Variants in UBE2H observed in about 807,000 individuals in gnomAD.
The protein encoded by UBE2H is ubiquitin conjugating enzyme E2 H.
UBE2H carries 3 observed loss-of-function variants against 29.0 expected under a neutral mutation model. The ratio of observed to expected loss-of-function variants is 0.10; its 90% confidence interval spans 0.05 to 0.27. UBE2H has a LOEUF of 0.27. Among genes scored for constraint, UBE2H ranks in the 10% least tolerant of loss-of-function variants. UBE2H has a pLI of 1.00. For missense variants in UBE2H, 68 were observed against 228.2 expected, an observed-to-expected ratio of 0.30 and a Z score of 4.52; for synonymous variants, 69 against 82.9, an observed-to-expected ratio of 0.83 and a Z score of 0.91.
At chr7:129,871,705 C>T (rs1327726388) in intron 3 of UBE2H, among the ~76,000 whole-genome samples, 1 of 140,360 alleles carries the variant, frequency 7.1e-6, no homozygotes, top group African/African-American at 2.7e-5. Context: ...CAGAACAAGA[C>T]TCTGTATCAA....
chr7:129,936,341 T>C (rs62491538), intron 1 of UBE2H, among the ~76,000 whole-genome samples: 10,004 of 152,242 alleles, frequency 0.066, 541 homozygotes, highest in East Asian at 0.25. Context: ...ACGCCTGTAA[T>C]CCCAGTACTT....
In UBE2H at chr7:129,834,782, TA is replaced by T; in HGVS notation, c.*154del. The T allele has an allele frequency of 1.2e-6, 1 of 867,940 alleles. No homozygotes were observed. Among genetic ancestry groups the T allele is most frequent in the Non-Finnish European group, 1.7e-6 (1 of 603,092 alleles). The allele number at this position is 867,940 out of a possible 1,614,324, so 53.8% of individuals were successfully genotyped here. ...GAGAAATGACCAAGAAATCAAGATCTAAAGGGTGATATATAATATATATATA... is the reference window on the plus strand; with the variant it reads ...GAGAAATGACCAAGAAATCAAGATCTAAGGGTGATATATAATATATATATA... On this transcript the variant is annotated 3_prime_UTR_variant, in exon 7 of 7. Transcript: ENST00000355621.
At chr7:129,844,625 C>T (rs1048556035) in intron 5 of UBE2H, among the ~76,000 whole-genome samples, 8 of 152,126 alleles carry the variant, frequency 5.3e-5, no homozygotes, top group African/African-American at 1.7e-4. Flanking sequence ...TCAGCCGACC[C>T]CATTTCCGCC....
chr7:129,845,002 C>T (rs1000116794), intron 5 of UBE2H, among the ~76,000 whole-genome samples: 1 of 152,112 alleles, frequency 6.6e-6, no homozygotes, highest in African/African-American at 2.4e-5. Flanking sequence ...TGGTGGTGGG[C>T]ACCTGTAATC....
At chr7:129,930,965 T>C (rs1481037292) in intron 1 of UBE2H, among the ~76,000 whole-genome samples, 2 of 132,164 alleles carry the variant, frequency 1.5e-5, no homozygotes, top group Non-Finnish European at 3.2e-5. Flanking sequence ...ACACCTGCAA[T>C]CCCAGCACTT....
intron 1 of UBE2H, among the ~76,000 whole-genome samples, chr7:129,926,775 CCAGAAAAGTAT>C (rs1457913493): frequency 1.3e-5 from 2 of 152,172 alleles, no homozygotes. Flanking sequence ...GATCACACCT[CCAGAAAAGTAT>C]CAGGTATGGC....
In UBE2H at chr7:129,918,798, G is replaced by C. The variant is rs571996641; in HGVS notation, c.53+33705C>G. 2.6e-5 allele frequency among the ~76,000 whole-genome samples: 4 copies of C among 152,240 alleles called. No individual in the cohort carries two copies. In the South Asian group the frequency reaches 8.3e-4, roughly 32 times the overall value. On this transcript the variant is annotated intron_variant, in intron 1 of 6. Coordinates refer to ENST00000355621, the MANE Select transcript of UBE2H (RefSeq NM_003344.4). ...TTTAACATGTAAGAAAGAAAAGAAA[G>C]AAGGCTGTGCACTGTGGTTCTTGCC...
At position 129,832,592 on chromosome 7, in the gene UBE2H, T is replaced by C. The variant is rs993368872; in HGVS notation, c.*2345A>G. On this transcript the variant is annotated 3_prime_UTR_variant, in exon 7 of 7. Transcript: ENST00000355621. ...TGACAATTCTGCATCTTCCGCTCTC[T>C]GGTGCTGGGGCTCTGGTCAGAGGCG... 1.3e-5 allele frequency: 2 copies of C among 152,348 alleles called. No homozygotes were observed. The highest frequency in any genetic ancestry group is 2.1e-4 in the South Asian group (1 of 4,822). The allele number at this position is 152,348 out of a possible 1,614,324, so 9.4% of individuals were successfully genotyped here. A position where few individuals can be genotyped will look rare whatever the true frequency, so the allele number is the denominator to read the frequency against.
intron 1 of UBE2H, among the ~76,000 whole-genome samples, chr7:129,918,344 G>T (rs544328503): frequency 6.6e-6 from 1 of 151,294 alleles, no homozygotes; most frequent in East Asian, 1.9e-4. Context: ...GAAAGACATT[G>T]TCCAAAAAAT....
rs542253068 is a variant in UBE2H at position 129,951,619 on chromosome 7, A to T, written c.53+884T>A. On this transcript the variant is annotated intron_variant, in intron 1 of 6. Transcript: ENST00000355621. ...TTATCAGTTATAGCTTTCCCACTGC[A>T]ACCTCCAGAGTGCATAAAGTTGGGG... Among the ~76,000 whole-genome samples the T allele has an allele frequency of 2.0e-5, 3 of 152,314 alleles. No individual in the cohort carries two copies. In the South Asian group the frequency reaches 6.2e-4, roughly 32 times the overall value.
chr7:129,925,138 A>T (rs1437172142), intron 1 of UBE2H, among the ~76,000 whole-genome samples: 1 of 152,102 alleles, frequency 6.6e-6, no homozygotes, highest in Non-Finnish European at 1.5e-5. Flanking sequence ...TCACGAGGTC[A>T]GGAGTTCAAG....
chr7:129,922,733 A>G lies in UBE2H; in HGVS notation c.53+29770T>C, dbSNP rs145710474. Among the ~76,000 whole-genome samples, 503 of 152,240 alleles carry G rather than the reference A, an allele frequency of 3.3e-3. 2 individuals are homozygous for G. The highest frequency in any genetic ancestry group is 0.011 in the African/African-American group (472 of 41,548). On this transcript the variant is annotated intron_variant, in intron 1 of 6. Transcript: ENST00000355621. The stretch of plus-strand genomic sequence containing the variant: ...GGGTGGTATACAGATATTTATTTAT[A>G]CTATTCTAATTATATGTATCTGAGT...
In UBE2H at chr7:129,924,616, TCACACACACA is replaced by T. The variant is rs147228151; in HGVS notation, c.53+27877_53+27886del. On this transcript the variant is annotated intron_variant, in intron 1 of 6. Transcript: ENST00000355621. ...ATATGGTTGTGAAGGCCTTTTACAT[TCACACACACA>T]CACACACACACACACACACACAGAA... 9.0e-5 allele frequency among the ~76,000 whole-genome samples: 13 copies of T among 144,010 alleles called. No homozygotes were observed. The East Asian group carries it at 1.2e-3, about 14-fold the overall frequency. The allele number at this position is 144,010 out of a possible 152,430, so 94.5% of individuals were successfully genotyped here. A position where few individuals can be genotyped will look rare whatever the true frequency, so the allele number is the denominator to read the frequency against.
Position 129,839,539 on chromosome 7 carries a change from A to C in UBE2H, c.299-204T>G, listed in dbSNP as rs1276232789. The C allele has an allele frequency of 5.4e-6, 3 of 553,358 alleles. No homozygotes were observed. In the African/African-American group the frequency reaches 5.9e-5, roughly 11 times the overall value. The allele number at this position is 553,358 out of a possible 1,614,324, so 34.3% of individuals were successfully genotyped here. A position where few individuals can be genotyped will look rare whatever the true frequency, so the allele number is the denominator to read the frequency against. ...TTTTAATTTTAATTTGAAGAACGAGATAAAGATATACCTGACATTCACTTT... is the reference window on the plus strand; with the variant it reads ...TTTTAATTTTAATTTGAAGAACGAGCTAAAGATATACCTGACATTCACTTT... On this transcript the variant is annotated intron_variant, in intron 5 of 6. Transcript: ENST00000355621.
intron 5 of UBE2H, among the ~76,000 whole-genome samples, chr7:129,843,400 C>G (rs1805461166): frequency 6.6e-6 from 1 of 152,118 alleles, no homozygotes; most frequent in Admixed American, 6.5e-5. Flanking sequence ...CTTAATTTCA[C>G]TACAGTCAAT....
At chr7:129,884,901 G>A (rs1224727664) in intron 1 of UBE2H, among the ~76,000 whole-genome samples, 3 of 151,868 alleles carry the variant, frequency 2.0e-5, no homozygotes, top group Admixed American at 2.0e-4. Context: ...TGACTTATAA[G>A]CCATTTATAC....
chr7:129,922,682 T>C (rs545940249), intron 1 of UBE2H, among the ~76,000 whole-genome samples: 2 of 152,340 alleles, frequency 1.3e-5, no homozygotes, highest in East Asian at 1.9e-4. Flanking sequence ...ATAGCAAATA[T>C]AGCAAAATAT....
At chr7:129,893,727 T>C (rs1806546209) in intron 1 of UBE2H, among the ~76,000 whole-genome samples, 1 of 152,236 alleles carries the variant, frequency 6.6e-6, no homozygotes, top group Non-Finnish European at 1.5e-5. Flanking sequence ...GCTTTGCTGT[T>C]TTATGGCAAT....
intron 3 of UBE2H, among the ~76,000 whole-genome samples, chr7:129,872,575 CTCACGCCT>C (rs1806061264): frequency 6.6e-6 from 1 of 151,968 alleles, no homozygotes; most frequent in South Asian, 2.1e-4. Context: ...GGCGCGGTGG[CTCACGCCT>C]GTAATCTCAG....
Sources: allele counts gnomAD v4.1 joint callset (sites outside exome capture counted in the v4.1 genomes callset), GRCh38; gene constraint gnomAD v4.1.1; transcripts MANE v1.5; gene names NCBI Gene and HGNC (gene_info 2026-07-23, HGNC 2026-07-21).